TMEM74: variants seen among roughly 807,000 people sequenced by gnomAD.
TMEM74 encodes transmembrane protein 74.
Under a neutral mutation model 18.1 loss-of-function variants are expected in TMEM74, and 13 were observed. The observed-to-expected ratio is 0.72, with a 90% CI of 0.47 to 1.14. The LOEUF is 1.14. TMEM74 is among the 50% of genes most tolerant of loss of function. The pLI is 0.00. For synonymous variants in TMEM74, 159 were observed against 146.6 expected (o/e 1.08, Z -0.61); for missense variants, 372 against 375.9 (o/e 0.99, Z 0.09).
chr8:108,642,401 A>C (rs1563738574), intron 2 of TMEM74, among the ~76,000 whole-genome samples: 1 of 151,976 alleles, frequency 6.6e-6, no homozygotes, highest in Admixed American at 6.6e-5. Context: ...CAAAAAAAAA[A>C]AAAAAAAGAG....
At chr8:108,723,027 T>C (rs1273794224) in intron 1 of TMEM74, among the ~76,000 whole-genome samples, 1 of 152,066 alleles carries the variant, frequency 6.6e-6, no homozygotes, top group Non-Finnish European at 1.5e-5. Context: ...GCAGGTAGAG[T>C]GTTCCTTACA....
intron 2 of TMEM74, among the ~76,000 whole-genome samples, chr8:108,640,626 T>C (rs549712735): frequency 1.3e-5 from 2 of 152,242 alleles, no homozygotes; most frequent in South Asian, 2.1e-4. Context: ...ATTAAATATA[T>C]GAGATTAGCA....
At chr8:108,629,606 G>T (rs1466598791) in intron 2 of TMEM74, among the ~76,000 whole-genome samples, 1 of 152,014 alleles carries the variant, frequency 6.6e-6, no homozygotes, top group Non-Finnish European at 1.5e-5. Flanking sequence ...TACCTACAAA[G>T]GGAAGCCCAT....
At chr8:108,667,086 T>C (rs950765912) in intron 1 of TMEM74, among the ~76,000 whole-genome samples, 2 of 152,008 alleles carry the variant, frequency 1.3e-5, no homozygotes, top group Non-Finnish European at 2.9e-5. Flanking sequence ...ATAGATTGAT[T>C]TGTGTGTGTG....
At chr8:108,733,111 A>G (rs1394187143) in intron 1 of TMEM74, among the ~76,000 whole-genome samples, 1 of 152,148 alleles carries the variant, frequency 6.6e-6, no homozygotes, top group Non-Finnish European at 1.5e-5. Context: ...CTAAAAAGTT[A>G]AATATGTATG....
intron 1 of TMEM74, among the ~76,000 whole-genome samples, chr8:108,711,710 G>T (rs80010509): frequency 0.081 from 12,297 of 152,176 alleles, 900 homozygotes; most frequent in African/African-American, 0.19. Flanking sequence ...GTCCTGTTGT[G>T]CTCAGTCACT....
intron 2 of TMEM74, among the ~76,000 whole-genome samples, chr8:108,646,591 CA>C: frequency 6.6e-6 from 1 of 152,042 alleles, no homozygotes. Context: ...GAATCTTTCT[CA>C]AAAAGCCTAG....
At chr8:108,720,745 TATTTATTTATTA>T (rs1364002016) in intron 1 of TMEM74, among the ~76,000 whole-genome samples, 2 of 102,508 alleles carry the variant, frequency 2.0e-5, no homozygotes, top group Admixed American at 1.2e-4. Flanking sequence ...TTTATTTATT[TATTTATTTATTA>T]GTTTGTTTGT....
intron 1 of TMEM74, among the ~76,000 whole-genome samples, chr8:108,656,889 A>C (rs918738698): frequency 6.6e-6 from 1 of 152,162 alleles, no homozygotes; most frequent in Admixed American, 6.5e-5. Context: ...GGATTTTCTC[A>C]TATTGAACTT....
chr8:108,697,828 G>A (rs778070956), intron 1 of TMEM74, among the ~76,000 whole-genome samples: 22 of 152,088 alleles, frequency 1.4e-4, no homozygotes, highest in Admixed American at 6.6e-4. Flanking sequence ...CTTTATTTGC[G>A]TTTGTTTTGT....
intron 1 of TMEM74, among the ~76,000 whole-genome samples, chr8:108,760,456 A>G (rs1438402302): frequency 2.0e-5 from 3 of 152,038 alleles, no homozygotes; most frequent in Non-Finnish European, 4.4e-5. Flanking sequence ...CTTGACGATT[A>G]TTAGCAAGCC....
At chr8:108,703,259 G>T (rs1431978086) in intron 1 of TMEM74, among the ~76,000 whole-genome samples, 2 of 152,152 alleles carry the variant, frequency 1.3e-5, no homozygotes, top group Admixed American at 1.3e-4. Flanking sequence ...TTCACTACCT[G>T]ATGTGCCCAG....
intron 1 of TMEM74, among the ~76,000 whole-genome samples, chr8:108,657,873 T>TATATATATATATATATATATATTAATTAC (rs1812856827): frequency 7.9e-5 from 4 of 50,788 alleles, no homozygotes; most frequent in African/African-American, 3.7e-4. Flanking sequence ...TATATATATA[T>TATATATATATATATATATATATTAATTAC]ATATATATAT....
At position 108,685,445 on chromosome 8, in the gene TMEM74, A is replaced by C. The variant is rs999613299; in HGVS notation, n.120-30008T>G. ...TGCCCTTTATTTCTTTCTCTTGACT[A>C]ACTATTCTGGCTAGGACTTCCTCAA... On this transcript the variant is annotated intron_variant and non_coding_transcript_variant, in intron 1 of 3. Transcript: ENST00000518838. 2.0e-5 allele frequency among the ~76,000 whole-genome samples: 3 copies of C among 152,160 alleles called. No homozygotes were observed. In the East Asian group the frequency reaches 5.8e-4, roughly 29 times the overall value.
chr8:108,783,367 G>A lies in TMEM74; in HGVS notation c.*814C>T, dbSNP rs774359362. 2.0e-5 allele frequency among the ~76,000 whole-genome samples: 3 copies of A among 152,178 alleles called. No individual in the cohort carries two copies. The highest frequency in any genetic ancestry group is 4.4e-5 in the Non-Finnish European group (3 of 68,030). ...TCATGCCTTGCCTCTTGCTGCTGGT[G>A]TGAGAACCAGCAGACTTCAAGAGCA... On this transcript the variant is annotated 3_prime_UTR_variant, in exon 2 of 2. Coordinates refer to ENST00000297459, the MANE Select transcript of TMEM74 (RefSeq NM_153015.3).
chr8:108,787,231 C>A (rs552805333), intron 1 of TMEM74, among the ~76,000 whole-genome samples: 12 of 152,264 alleles, frequency 7.9e-5, no homozygotes, highest in Non-Finnish European at 1.0e-4. Flanking sequence ...GCGCCCTGTG[C>A]GAGCAAAGCC....
intron 1 of TMEM74, among the ~76,000 whole-genome samples, chr8:108,753,672 C>T (rs1302495097): frequency 2.0e-5 from 3 of 151,998 alleles, no homozygotes; most frequent in Non-Finnish European, 4.4e-5. Flanking sequence ...AATGTTTGTC[C>T]TTTTCATCTC....
chr8:108,691,403 G>A (rs963700881), intron 1 of TMEM74, among the ~76,000 whole-genome samples: 15 of 152,308 alleles, frequency 9.8e-5, no homozygotes, highest in Admixed American at 3.9e-4. Flanking sequence ...TCAAAACAAG[G>A]AACTGAAAGC....
At chr8:108,748,125 T>C (rs1008999237) in intron 1 of TMEM74, among the ~76,000 whole-genome samples, 5 of 152,186 alleles carry the variant, frequency 3.3e-5, no homozygotes, top group Non-Finnish European at 7.3e-5. Flanking sequence ...TCTAGGTCTT[T>C]GAGGAATCGC....
Sources: allele counts gnomAD v4.1 joint callset (sites outside exome capture counted in the v4.1 genomes callset), GRCh38; gene constraint gnomAD v4.1.1; transcripts MANE v1.5; gene names NCBI Gene and HGNC (gene_info 2026-07-23, HGNC 2026-07-21).